The following SLC61A1 variants were observed in gnomAD, a reference collection of about 807,000 sequenced individuals.
SLC61A1 encodes major facilitator superfamily domain containing 5.
the SLC61A1 span, chr12:53,252,842 G>C: frequency 6.2e-7 from 1 of 1,613,680 alleles, no homozygotes; most frequent in African/African-American, 1.3e-5. Flanking sequence ...CACCATGCTG[G>C]TGACTGCCTA....
chr12:53,254,006 C>T, the SLC61A1 span: 1 of 1,614,178 alleles, frequency 6.2e-7, no homozygotes, highest in Non-Finnish European at 8.5e-7. Context: ...ACTGGCTTGC[C>T]TAGGGCTCCT....
the SLC61A1 span, chr12:53,251,864 G>A: frequency 2.0e-6 from 3 of 1,537,292 alleles, no homozygotes. Flanking sequence ...AGCACTGCAC[G>A]GAAGAAAAGA....
At chr12:53,252,728 G>T in the SLC61A1 span, 8 of 1,432,284 alleles carry the variant, frequency 5.6e-6, no homozygotes, top group Non-Finnish European at 7.5e-6. Context: ...TGGCAGCGGG[G>T]TTGGGTGGAG....
the SLC61A1 span, chr12:53,252,024 T>C: frequency 2.3e-6 from 3 of 1,286,750 alleles, no homozygotes; most frequent in Admixed American, 4.8e-5. Context: ...GCGTCAGGAG[T>C]TCCGCGCCCG....
the SLC61A1 span, chr12:53,253,229 G>A: frequency 1.9e-6 from 3 of 1,614,132 alleles, no homozygotes; most frequent in South Asian, 2.2e-5. Flanking sequence ...TGTGCTGCTA[G>A]TGGGGCGAGC....
At chr12:53,252,207 AG>A in the SLC61A1 span, 2 of 1,415,392 alleles carry the variant, frequency 1.4e-6, no homozygotes, top group South Asian at 1.5e-5. Context: ...CACAGCGGGG[AG>A]GGTGGCCTGG....
the SLC61A1 span, chr12:53,251,589 G>C: frequency 1.3e-6 from 1 of 790,512 alleles, no homozygotes; most frequent in Non-Finnish European, 1.9e-6. Context: ...CTGGGACACT[G>C]GGAAGTTATG....
chr12:53,252,043 A>T, the SLC61A1 span: 1 of 1,130,932 alleles, frequency 8.8e-7, no homozygotes. Flanking sequence ...CGGGTAAGGG[A>T]AGGAGGGCGG....
chr12:53,253,565 C>T, the SLC61A1 span: 1 of 1,613,926 alleles, frequency 6.2e-7, no homozygotes, highest in East Asian at 2.2e-5. Context: ...GCGCTGCCTC[C>T]TGTCGGACCG....
the SLC61A1 span, chr12:53,252,250 C>G: frequency 7.1e-7 from 1 of 1,403,868 alleles, no homozygotes; most frequent in Non-Finnish European, 9.2e-7. Context: ...CGGGGCGTCC[C>G]CGCAGACCGG....
At chr12:53,252,109 T>A in the SLC61A1 span, 1 of 1,448,972 alleles carries the variant, frequency 6.9e-7, no homozygotes, top group Non-Finnish European at 9.0e-7. Flanking sequence ...GATGAAGCCA[T>A]CATGGCGGCG....
the SLC61A1 span, chr12:53,252,202 C>T: frequency 2.8e-6 from 4 of 1,416,138 alleles, no homozygotes; most frequent in Non-Finnish European, 2.7e-6. Flanking sequence ...GGAGCCACAG[C>T]GGGGAGGGTG....
At chr12:53,251,790 C>A in the SLC61A1 span, 7 of 1,537,290 alleles carry the variant, frequency 4.6e-6, no homozygotes, top group Admixed American at 1.2e-4. Context: ...CGGCTTCGGG[C>A]AGCGGTGCTG....
chr12:53,252,021 G>A, the SLC61A1 span: 1 of 1,357,466 alleles, frequency 7.4e-7, no homozygotes. Flanking sequence ...CAGGCGTCAG[G>A]AGTTCCGCGC....
the SLC61A1 span, chr12:53,251,822 T>C: frequency 6.5e-7 from 1 of 1,537,264 alleles, no homozygotes; most frequent in Non-Finnish European, 8.7e-7. Context: ...GCTCCAACCC[T>C]TGGCTCTACC....
the SLC61A1 span, chr12:53,253,837 C>A: frequency 1.3e-4 from 214 of 1,614,106 alleles, no homozygotes; most frequent in Non-Finnish European, 1.7e-4. Flanking sequence ...TCTCTACCAG[C>A]CCAGGCCAGG....
chr12:53,253,810 T>C, the SLC61A1 span: 1 of 1,614,068 alleles, frequency 6.2e-7, no homozygotes, highest in African/African-American at 1.3e-5. Context: ...TCGTCTTCTC[T>C]CTCTTCATGT....
At chr12:53,252,962 C>A in the SLC61A1 span, 4 of 1,614,214 alleles carry the variant, frequency 2.5e-6, no homozygotes, top group South Asian at 1.1e-5. Flanking sequence ...TCGGTTTCAA[C>A]TGGACTTCTA....
the SLC61A1 span, chr12:53,252,742 C>A: frequency 8.7e-6 from 13 of 1,495,210 alleles, no homozygotes; most frequent in South Asian, 1.7e-4. Flanking sequence ...GGTGGAGCTG[C>A]CATCTGCTTA....
Sources: allele counts gnomAD v4.1 joint callset, GRCh38; gene constraint gnomAD v4.1.1; transcripts MANE v1.5; gene names NCBI Gene and HGNC (gene_info 2026-07-23, HGNC 2026-07-21).